IFNGR2: variants seen among roughly 807,000 people sequenced by gnomAD.
IFNGR2 encodes interferon gamma receptor 2.
A neutral mutation model predicts 41.1 loss-of-function variants in IFNGR2; 15 were observed. The ratio of observed to expected loss-of-function variants is 0.37; its 90% confidence interval spans 0.24 to 0.56. The LOEUF (loss-of-function observed/expected upper bound fraction) is 0.56. Ranked by LOEUF, IFNGR2 falls within the 20% of genes least tolerant of loss-of-function variation. IFNGR2 has a pLI of 0.81. For synonymous variants in IFNGR2, 161 were observed against 171.6 expected, an observed-to-expected ratio of 0.94 and a Z score of 0.48; for missense variants, 362 against 415.7, an observed-to-expected ratio of 0.87 and a Z score of 1.12.
At chr21:33,432,584 T>C in intron 5 of IFNGR2, 130 bp from the exon 6 acceptor site, 1 of 1,022,958 alleles carries the variant, frequency 9.8e-7, no homozygotes, top group Non-Finnish European at 1.5e-6. Context: ...CAGGTGAGGG[T>C]GGGGGGTAGA....
At chr21:33,404,782 C>G (rs1023272382) in intron 1 of IFNGR2, among the ~76,000 whole-genome samples, 6 of 152,130 alleles carry the variant, frequency 3.9e-5, no homozygotes, top group Admixed American at 2.0e-4. Context: ...TCTTACCTGG[C>G]GGCCTCCTTA....
intron 1 of IFNGR2, among the ~76,000 whole-genome samples, chr21:33,410,555 A>AC (rs11455961): frequency 1 from 151,848 of 151,850 alleles, 75,923 homozygotes; most frequent in Non-Finnish European, 1. Flanking sequence ...TGCAACCTCC[A>AC]CTGCCGGGTT....
intron 6 of IFNGR2, among the ~76,000 whole-genome samples, chr21:33,434,699 A>G (rs1421004861): frequency 1.3e-5 from 2 of 152,120 alleles, no homozygotes; most frequent in Non-Finnish European, 2.9e-5. Flanking sequence ...AACCCTAGTC[A>G]CTTGTTCCTT....
At position 33,407,053 on chromosome 21, in the gene IFNGR2, T is replaced by G. The variant is rs974820707; in HGVS notation, c.73+3437T>G. On this transcript the variant is annotated intron_variant, in intron 1 of 6. Coordinates refer to ENST00000290219, the MANE Select transcript of IFNGR2 (RefSeq NM_005534.4). The stretch of plus-strand genomic sequence containing the variant: ...CCTGTGGCAATTTGTAGCCATGAGC[T>G]GTTAAGTAGTGGCCGTTTGCGCTAG... Among the ~76,000 whole-genome samples, 6 of 152,244 alleles carry G rather than the reference T, an allele frequency of 3.9e-5. No individual in the cohort carries two copies. The East Asian group carries it at 1.2e-3, about 29-fold the overall frequency.
chr21:33,436,731 AAAAATAAAAAT>A (rs1183825160), intron 6 of IFNGR2, 86 bp from the exon 7 acceptor site: 5 of 1,016,212 alleles, frequency 4.9e-6, no homozygotes, highest in African/African-American at 1.7e-5. Context: ...AAAAAAAAAT[AAAAATAAAAAT>A]AAAATAAAAA....
intron 4 of IFNGR2, among the ~76,000 whole-genome samples, 179 bp from the exon 5 acceptor site, chr21:33,431,998 C>T (rs565700486): frequency 3.7e-4 from 57 of 152,378 alleles, no homozygotes; most frequent in African/African-American, 1.2e-3. Flanking sequence ...TCTTTGGCCA[C>T]ACAACACACC....
chr21:33,414,419 G>A (rs2083739285), intron 1 of IFNGR2, among the ~76,000 whole-genome samples: 1 of 152,190 alleles, frequency 6.6e-6, no homozygotes, highest in Non-Finnish European at 1.5e-5. Flanking sequence ...CACTTCCTTG[G>A]TACTAAATCT....
At chr21:33,427,972 C>T (rs1356754774) in intron 4 of IFNGR2, among the ~76,000 whole-genome samples, 1 of 149,550 alleles carries the variant, frequency 6.7e-6, no homozygotes, top group Non-Finnish European at 1.5e-5. Flanking sequence ...CTCAGGTGAT[C>T]TGCCCACCTT....
chr21:33,428,309 C>T (rs557930887), intron 4 of IFNGR2, among the ~76,000 whole-genome samples: 3 of 151,884 alleles, frequency 2.0e-5, no homozygotes, highest in Admixed American at 6.6e-5. Flanking sequence ...GCAACCTCTA[C>T]CTCCCCGGCT....
intron 2 of IFNGR2, among the ~76,000 whole-genome samples, chr21:33,416,341 G>A (rs1446247931): frequency 6.6e-6 from 1 of 152,152 alleles, no homozygotes; most frequent in Non-Finnish European, 1.5e-5. Context: ...CAATAGAAAG[G>A]ATAATTAGAT....
intron 1 of IFNGR2, among the ~76,000 whole-genome samples, chr21:33,411,155 A>G (rs916504831): frequency 6.6e-6 from 1 of 152,254 alleles, no homozygotes; most frequent in African/African-American, 2.4e-5. Context: ...AGGGGATGAT[A>G]GGAAACCCGG....
upstream of IFNGR2, chr21:33,403,046 A>G (rs2083650611): frequency 7.0e-6 from 1 of 143,774 alleles, no homozygotes; most frequent in Non-Finnish European, 1.5e-5. Flanking sequence ...ATTTCGACTA[A>G]AGGGGCGAAT....
At chr21:33,412,682 G>A (rs1194332203) in intron 1 of IFNGR2, among the ~76,000 whole-genome samples, 1 of 152,072 alleles carries the variant, frequency 6.6e-6, no homozygotes, top group African/African-American at 2.4e-5. Context: ...CAGCCTCCCA[G>A]GTCGCTGGGA....
At chr21:33,421,851 G>T (rs1480523521) in intron 3 of IFNGR2, among the ~76,000 whole-genome samples, 166 bp downstream of exon 3, 1 of 152,248 alleles carries the variant, frequency 6.6e-6, no homozygotes, top group Non-Finnish European at 1.5e-5. Flanking sequence ...TGCTAAGGGA[G>T]TGTGATTTGC....
At chr21:33,430,325 A>C (rs1392945152) in intron 4 of IFNGR2, among the ~76,000 whole-genome samples, 1 of 152,270 alleles carries the variant, frequency 6.6e-6, no homozygotes, top group East Asian at 1.9e-4. Context: ...TTTTGTCCTT[A>C]AAATCGTGTC....
chr21:33,431,490 A>G (rs1187009303), intron 4 of IFNGR2, among the ~76,000 whole-genome samples: 2 of 152,164 alleles, frequency 1.3e-5, no homozygotes, highest in Non-Finnish European at 2.9e-5. Context: ...GAATTGCTTG[A>G]ACCTGGGAGG....
At chr21:33,429,101 A>G (rs956818241) in intron 4 of IFNGR2, among the ~76,000 whole-genome samples, 2 of 152,188 alleles carry the variant, frequency 1.3e-5, no homozygotes, top group Admixed American at 6.5e-5. Context: ...GTATAAAATG[A>G]AACAACTGAG....
chr21:33,407,712 C>T (rs1320831214), intron 1 of IFNGR2, among the ~76,000 whole-genome samples: 3 of 152,178 alleles, frequency 2.0e-5, no homozygotes, highest in African/African-American at 7.2e-5. Flanking sequence ...TCTCCTGTCT[C>T]AGCCTCCCAA....
At chr21:33,419,459 T>TTGTG (rs35945253) in intron 2 of IFNGR2, among the ~76,000 whole-genome samples, 26,505 of 149,996 alleles carry the variant, frequency 0.18, 2,698 homozygotes, top group Non-Finnish European at 0.23. Flanking sequence ...TGTTTGAAAA[T>TTGTG]TGTGTGTGTG....
Sources: gnomAD v4.1 joint callset for allele counts (sites outside exome capture counted in the v4.1 genomes callset) on GRCh38, gnomAD v4.1.1 for gene constraint, MANE v1.5 for transcripts, NCBI Gene and HGNC (gene_info 2026-07-23, HGNC 2026-07-21) for gene names.